The following ERCC6 variants were observed in gnomAD, a reference collection of about 807,000 sequenced individuals.
The protein encoded by ERCC6 is DNA excision repair protein ERCC-6.
Under a neutral mutation model 158.7 loss-of-function variants are expected in ERCC6, and 116 were observed. The ratio of observed to expected loss-of-function variants is 0.73; its 90% confidence interval spans 0.63 to 0.85. The LOEUF is 0.85. Among genes scored for constraint, ERCC6 ranks in the 40% least tolerant of loss-of-function variants. ERCC6 has a pLI of 0.00. For synonymous variants in ERCC6, 678 were observed against 659.3 expected (o/e 1.03, Z -0.43); for missense variants, 1,698 against 1,799.4 (o/e 0.94, Z 1.02).
At chr10:49,529,402 C>T (rs902180347) in intron 3 of ERCC6, among the ~76,000 whole-genome samples, 1 of 152,218 alleles carries the variant, frequency 6.6e-6, no homozygotes, top group African/African-American at 2.4e-5. Flanking sequence ...TTAAGTTAGA[C>T]TAGGACCTGA....
At chr10:49,538,212 G>A (rs1001193651) in intron 1 of ERCC6, among the ~76,000 whole-genome samples, 1 of 152,218 alleles carries the variant, frequency 6.6e-6, no homozygotes, top group African/African-American at 2.4e-5. Flanking sequence ...CCAGGGGCAA[G>A]CTGGGTCTCA....
At chr10:49,487,392 C>T (rs916681263) in intron 8 of ERCC6, among the ~76,000 whole-genome samples, 2 of 152,170 alleles carry the variant, frequency 1.3e-5, no homozygotes, top group African/African-American at 4.8e-5. Flanking sequence ...TTGAAGGCCA[C>T]ATCTGAAAGA....
chr10:49,458,595 A>T lies in ERCC6; in HGVS notation c.*220T>A. The T allele has an allele frequency of 1.8e-6, 1 of 550,470 alleles. No individual in the cohort carries two copies. The highest frequency in any genetic ancestry group is 3.2e-6 in the Non-Finnish European group (1 of 314,382). 34.1% of individuals were successfully genotyped at this position (550,470 alleles called of 1,614,324 possible). On this transcript the variant is annotated 3_prime_UTR_variant, in exon 21 of 21. Coordinates refer to ENST00000355832, the MANE Select transcript of ERCC6 (RefSeq NM_000124.4). ...TAATTAGATTGCCAAAAAAAAAAAA[A>T]TCAATCCAAGTATTTTCTCCTTTAG... is the stretch of plus-strand genomic sequence containing the variant.
At position 49,474,182 on chromosome 10, in the gene ERCC6, C is replaced by T; in HGVS notation, c.2443G>A (p.Gly815Ser). ...ICNHPDLFSG[G>S]PKNLKGLPDD... is the part of the protein sequence containing the mutation. ...GGAAGACCTTTGAGATTCTTGGGAC[C>T]TCCAGAAAAGAGATCAGGGTGGTTG... Residue 815 changes from glycine to serine, a missense_variant, in exon 13 of 21, where the codon GGT (glycine) becomes AGT (serine). By Grantham distance (56) the Gly-to-Ser change is moderately conservative (BLOSUM62 0). Transcript: ENST00000355832. The T allele has an allele frequency of 1.2e-6, 2 of 1,614,132 alleles. No individual in the cohort carries two copies. The highest frequency in any genetic ancestry group is 1.7e-6 in the Non-Finnish European group (2 of 1,180,014).
rs568008142 is a variant in ERCC6, at chr10:49,460,078, C to T, written c.4062+295G>A. ...TGTGGTCTCTGGAGCTGGCACTTTC[C>T]CTCTAGACAAGGCAGGCTGTCCTAG... On this transcript the variant is annotated intron_variant, in intron 20 of 20. Coordinates refer to ENST00000355832, the MANE Select transcript of ERCC6 (RefSeq NM_000124.4). 8 of 465,584 alleles carry T rather than the reference C, an allele frequency of 1.7e-5. No homozygotes were observed. The South Asian group carries it at 1.7e-4, about 10-fold the overall frequency. 28.8% of individuals were successfully genotyped at this position (465,584 alleles called of 1,614,324 possible). A position where few individuals can be genotyped will look rare whatever the true frequency, so the allele number is the denominator to read the frequency against.
intron 3 of ERCC6, among the ~76,000 whole-genome samples, chr10:49,529,296 TCA>T (rs1273482879): frequency 1.3e-5 from 2 of 152,370 alleles, no homozygotes; most frequent in African/African-American, 4.8e-5. Flanking sequence ...TTGTTTTTTC[TCA>T]GTTTTTCTCT....
In ERCC6 at chr10:49,459,144, C is replaced by G; in HGVS notation, c.4153G>C (p.Ala1385Pro). 6.2e-7 allele frequency: 1 copy of G among 1,614,158 alleles called. No homozygotes were observed. Among genetic ancestry groups the G allele is most frequent in the Non-Finnish European group, 8.5e-7 (1 of 1,180,040 alleles). The change falls in exon 21 of 21, where the codon GCT (alanine) becomes CCT (proline). Residue 1385 changes from alanine to proline, a missense_variant. Transcript: ENST00000355832. ...EDADSSSGPL[A>P]SSSLLAKMRA... is the part of the protein sequence containing the mutation. ...ATTTTAGCCAAGAGTGAGGAGGAAGCGAGGGGCCCGGATGAAGAGTCTGCA... is the reference window on the plus strand; with the variant it reads ...ATTTTAGCCAAGAGTGAGGAGGAAGGGAGGGGCCCGGATGAAGAGTCTGCA...
chr10:49,523,261 C>A lies in ERCC6; in HGVS notation c.1397+772G>T. Among the ~76,000 whole-genome samples the A allele has an allele frequency of 1.3e-5, 2 of 152,166 alleles. 1 individual carries two copies. The highest frequency in any genetic ancestry group is 1.3e-4 in the Admixed American group (2 of 15,276). On this transcript the variant is annotated intron_variant, in intron 5 of 20. Coordinates refer to ENST00000355832, the MANE Select transcript of ERCC6 (RefSeq NM_000124.4). ...AGACTTGAAATGCGCGGCAGTAGCA[C>A]AGTGTTCAGTGGGCCACCATGGGGA...
chr10:49,451,623 G>T (rs1475567707), downstream of ERCC6, among the ~76,000 whole-genome samples: 1 of 152,060 alleles, frequency 6.6e-6, no homozygotes, highest in African/African-American at 2.4e-5. Context: ...ATCCTACTTG[G>T]TGATGGTGCA....
At chr10:49,475,636 A>G (rs942135809) in intron 12 of ERCC6, 1 of 238,122 alleles carries the variant, frequency 4.2e-6, no homozygotes, top group Admixed American at 4.9e-5. Context: ...AATTCTGGAC[A>G]CTAGTAGAAA....
chr10:49,528,049 G>A (rs1486716496), intron 4 of ERCC6, among the ~76,000 whole-genome samples: 3 of 152,174 alleles, frequency 2.0e-5, no homozygotes, highest in Non-Finnish European at 4.4e-5. Flanking sequence ...TTAAAGACAC[G>A]TGAGAGCCAT....
rs1192651141 is a variant in ERCC6, at chr10:49,524,437, G to A, written c.993C>T (p.His331=). 8.1e-6 allele frequency: 13 copies of A among 1,614,082 alleles called. No homozygotes were observed. Among genetic ancestry groups the A allele is most frequent in the African/African-American group, 1.3e-5 (1 of 74,918 alleles). Residue 331 remains histidine (H), a synonymous_variant, in exon 5 of 21, where the codon CAC becomes CAT. Coordinates refer to ENST00000355832, the MANE Select transcript of ERCC6 (RefSeq NM_000124.4). ...LSKKEERLKK[H]IKKLQKRALQ... ...AAGCCCTCTTCTGGAGTTTCTTGATGTGCTTTTTCAAACGCTCCTCTTTTT... is the reference window on the plus strand; with the variant it reads ...AAGCCCTCTTCTGGAGTTTCTTGATATGCTTTTTCAAACGCTCCTCTTTTT...
chr10:49,504,388 T>A (rs1851409111), intron 6 of ERCC6: 1 of 152,186 alleles, frequency 6.6e-6, no homozygotes, highest in East Asian at 1.9e-4. Flanking sequence ...TATAGAGTTT[T>A]GTTAATACAC....
At chr10:49,505,105 C>T (rs1851421419) in intron 6 of ERCC6, 2 of 152,100 alleles carry the variant, frequency 1.3e-5, no homozygotes, top group Non-Finnish European at 1.5e-5. Flanking sequence ...CAGAAAGAAG[C>T]TATGTAATGG....
chr10:49,470,936 G>A (rs757526020), intron 17 of ERCC6, 39 bp downstream of exon 17: 7 of 1,613,488 alleles, frequency 4.3e-6, no homozygotes, highest in Admixed American at 3.3e-5. Flanking sequence ...ATCATCTTGT[G>A]CAATTGATTA....
At chr10:49,477,397 T>C (rs1850897704) in intron 11 of ERCC6, among the ~76,000 whole-genome samples, 1 of 152,002 alleles carries the variant, frequency 6.6e-6, no homozygotes, top group South Asian at 2.1e-4. Flanking sequence ...CCCATTAGCC[T>C]CCAAGTGGAA....
intron 5 of ERCC6, chr10:49,515,748 T>C (rs1836932577): frequency 6.2e-7 from 1 of 1,614,204 alleles, no homozygotes; most frequent in Non-Finnish European, 8.5e-7. Flanking sequence ...GAACTGGTTA[T>C]ACACTTTGAT....
rs200579505 is a variant in ERCC6 at position 49,473,465 on chromosome 10, T to C, written c.2709+12A>G. ...AGCACCACTCAACTTCCCTGTTACA[T>C]TCACATGTTACCTCATTGTATCTCG... On this transcript the variant is annotated intron_variant, in intron 14 of 20. Coordinates refer to ENST00000355832, the MANE Select transcript of ERCC6 (RefSeq NM_000124.4). 24 of 1,531,096 alleles carry C rather than the reference T, an allele frequency of 1.6e-5. No homozygotes were observed. Among genetic ancestry groups the C allele is most frequent in the Non-Finnish European group, 2.1e-5 (23 of 1,104,084 alleles). 94.8% of individuals were successfully genotyped at this position (1,531,096 alleles called of 1,614,324 possible).
At chr10:49,461,692 G>T in intron 18 of ERCC6, 136 bp from the exon 19 acceptor site, 1 of 828,270 alleles carries the variant, frequency 1.2e-6, no homozygotes, top group Non-Finnish European at 1.9e-6. Flanking sequence ...GAGAATCAAT[G>T]ATAAAAAATA....
Sources: allele counts gnomAD v4.1 joint callset (sites outside exome capture counted in the v4.1 genomes callset), GRCh38; gene constraint gnomAD v4.1.1; transcripts MANE v1.5; gene names NCBI Gene and HGNC (gene_info 2026-07-23, HGNC 2026-07-21).